KLHL28: variants seen among roughly 807,000 people sequenced by gnomAD.
KLHL28 encodes the protein kelch-like protein 28.
KLHL28 carries 22 observed loss-of-function variants against 48.3 expected under a neutral mutation model. The observed-to-expected ratio is 0.46, with a 90% CI of 0.33 to 0.65. The LOEUF (loss-of-function observed/expected upper bound fraction) is 0.65. Ranked by LOEUF, KLHL28 falls within the 30% of genes least tolerant of loss-of-function variation. KLHL28 has a pLI of 0.03. For missense variants in KLHL28, 527 were observed against 704.3 expected (o/e 0.75, Z 2.85); for synonymous variants, 243 against 242.4 (o/e 1.00, Z -0.02).
intron 2 of KLHL28, 114 bp downstream of exon 2, chr14:44,944,916 A>C (rs528260248): frequency 3.8e-6 from 3 of 783,268 alleles, no homozygotes; most frequent in African/African-American, 1.7e-5. Context: ...AACTAAAAAG[A>C]AGCAAAGAAA....
intron 2 of KLHL28, 50 bp downstream of exon 2, chr14:44,944,980 A>G: frequency 7.8e-7 from 1 of 1,284,812 alleles, no homozygotes; most frequent in Non-Finnish European, 1.1e-6. Flanking sequence ...GCACATTTAA[A>G]AAGCATAAAA....
intron 2 of KLHL28, among the ~76,000 whole-genome samples, chr14:44,939,071 A>C (rs1375739659): frequency 6.6e-6 from 1 of 152,150 alleles, no homozygotes; most frequent in African/African-American, 2.4e-5. Context: ...AGTTAACATC[A>C]CATGGCCAAC....
At chr14:44,960,381 G>A (rs1450680512) in intron 1 of KLHL28, among the ~76,000 whole-genome samples, 1 of 152,210 alleles carries the variant, frequency 6.6e-6, no homozygotes, top group African/African-American at 2.4e-5. Flanking sequence ...AACTGGCACT[G>A]TAATGTGTAC....
intron 2 of KLHL28, among the ~76,000 whole-genome samples, chr14:44,935,890 G>GTGTATATATA (rs1555337906): frequency 3.4e-5 from 2 of 59,146 alleles, no homozygotes; most frequent in South Asian, 7.1e-4. Flanking sequence ...ATATATGTGT[G>GTGTATATATA]TATATATATA....
intron 2 of KLHL28, among the ~76,000 whole-genome samples, chr14:44,941,518 C>T (rs989722294): frequency 6.6e-6 from 1 of 151,568 alleles, no homozygotes; most frequent in African/African-American, 2.4e-5. Flanking sequence ...ATCCCAGCTA[C>T]TCGGGAGGCT....
In KLHL28 at chr14:44,934,496, C is replaced by A. The variant is rs117295933; in HGVS notation, c.962G>T (p.Arg321Leu). The A allele has an allele frequency of 0.014, 22,014 of 1,613,230 alleles. 188 individuals carry two copies. Among genetic ancestry groups the A allele is most frequent in the Non-Finnish European group, 0.016 (18,733 of 1,179,610 alleles). Residue 321 changes from arginine (R) to leucine (L), a missense_variant, in exon 3 of 5, where the codon CGC becomes CTC. Coordinates refer to ENST00000396128, the MANE Select transcript of KLHL28 (RefSeq NM_017658.5). ...TAAAACGCATATTCCAAATTCATAG[C>A]GAGGAATGTTTAGGGGTGCCAAACC... The part of the protein sequence containing the change: ...WIGLAPLNIP[R>L]YEFGICVLDQ...
chr14:44,956,079 C>T (rs1272453928), intron 1 of KLHL28, among the ~76,000 whole-genome samples: 3 of 152,116 alleles, frequency 2.0e-5, no homozygotes, highest in Non-Finnish European at 2.9e-5. Flanking sequence ...ATTTATTATG[C>T]CTTTCCTACA....
At chr14:44,938,134 C>CA (rs1440687923) in intron 2 of KLHL28, among the ~76,000 whole-genome samples, 1 of 152,144 alleles carries the variant, frequency 6.6e-6, no homozygotes, top group Non-Finnish European at 1.5e-5. Flanking sequence ...AGCATCAACT[C>CA]AAAAGTCCAA....
intron 3 of KLHL28, among the ~76,000 whole-genome samples, chr14:44,932,701 A>T (rs1020860324): frequency 6.6e-6 from 1 of 152,244 alleles, no homozygotes; most frequent in African/African-American, 2.4e-5. Flanking sequence ...TCATTGAAGA[A>T]GAGTTGATGC....
chr14:44,945,858 C>T lies in KLHL28; in HGVS notation c.71G>A (p.Gly24Asp). 1 of 1,614,072 alleles carries T rather than the reference C, an allele frequency of 6.2e-7. No homozygotes were observed. Among genetic ancestry groups the T allele is most frequent in the Non-Finnish European group, 8.5e-7 (1 of 1,179,990 alleles). The change falls in exon 2 of 5, where the codon GGC becomes GAC. Residue 24 changes from glycine to aspartate, a missense_variant. Gly to Asp is a moderately conservative substitution (Grantham distance 94, BLOSUM62 -1). Transcript: ENST00000396128. ...GTGATGTTGGCGAAGAAGATTCAAGCCCTGCAGAAGTTGTTCAGAATGCAA... is the reference window on the plus strand; with the variant it reads ...GTGATGTTGGCGAAGAAGATTCAAGTCCTGCAGAAGTTGTTCAGAATGCAA... ...THLHSEQLLQGLNLLRQHHEL... is the reference protein window; with the variant it reads ...THLHSEQLLQDLNLLRQHHEL...
At chr14:44,960,949 TAAC>T (rs1885049795) in intron 1 of KLHL28, 4 of 1,487,380 alleles carry the variant, frequency 2.7e-6, no homozygotes, top group Non-Finnish European at 2.7e-6. Flanking sequence ...CTTCAAATGA[TAAC>T]TTAGACTTTT....
chr14:44,949,901 T>C (rs1473638670), intron 1 of KLHL28, among the ~76,000 whole-genome samples: 2 of 152,136 alleles, frequency 1.3e-5, no homozygotes, highest in African/African-American at 4.8e-5. Context: ...GGAGAAATTT[T>C]TGCTTTGCTC....
chr14:44,960,135 A>T (rs1346415453), intron 1 of KLHL28, among the ~76,000 whole-genome samples: 1 of 152,236 alleles, frequency 6.6e-6, no homozygotes, highest in Non-Finnish European at 1.5e-5. Flanking sequence ...ATGTATAGTG[A>T]TCCACAGGGA....
intron 1 of KLHL28, among the ~76,000 whole-genome samples, chr14:44,948,257 G>A (rs1358993633): frequency 6.6e-6 from 1 of 152,102 alleles, no homozygotes; most frequent in East Asian, 1.9e-4. Flanking sequence ...AGGTATTAAT[G>A]TAGCTGAGGT....
intron 2 of KLHL28, among the ~76,000 whole-genome samples, chr14:44,935,977 A>C (rs1242937902): frequency 6.8e-6 from 1 of 147,898 alleles, no homozygotes; most frequent in East Asian, 2.0e-4. Flanking sequence ...AGCATAAAAA[A>C]AGTCCTCCAT....
In KLHL28 at chr14:44,932,743, T is replaced by C. The variant is rs182540088; in HGVS notation, c.1344-1202A>G. ...GCAAGACTTTCAAGATAATCAAATTTAAAATACTTAACCTTTTATCTTACA... is the reference window on the plus strand; with the variant it reads ...GCAAGACTTTCAAGATAATCAAATTCAAAATACTTAACCTTTTATCTTACA... On this transcript the variant is annotated intron_variant, in intron 3 of 4. Coordinates refer to ENST00000396128, the MANE Select transcript of KLHL28 (RefSeq NM_017658.5). 1.1e-4 allele frequency among the ~76,000 whole-genome samples: 16 copies of C among 152,326 alleles called. No homozygotes were observed. In the East Asian group the frequency reaches 2.9e-3, roughly 28 times the overall value.
At chr14:44,933,924 A>C (rs1170604062) in intron 3 of KLHL28, among the ~76,000 whole-genome samples, 191 bp downstream of exon 3, 1 of 152,202 alleles carries the variant, frequency 6.6e-6, no homozygotes, top group Non-Finnish European at 1.5e-5. Flanking sequence ...ATTTAATGAG[A>C]GGGATTTGAT....
chr14:44,935,125 A>G (rs11845904), intron 2 of KLHL28, among the ~76,000 whole-genome samples: 24,975 of 152,216 alleles, frequency 0.16, 3,838 homozygotes, highest in African/African-American at 0.41. Flanking sequence ...TATCATATAA[A>G]AGAATACTAC....
intron 3 of KLHL28, among the ~76,000 whole-genome samples, chr14:44,932,257 T>G (rs8017081): frequency 0.15 from 11,872 of 80,352 alleles, 1,501 homozygotes; most frequent in African/African-American, 0.39. Context: ...GGGTGGGGGG[T>G]GGGGAGAAAA....
Sources: gnomAD v4.1 joint callset for allele counts (sites outside exome capture counted in the v4.1 genomes callset) on GRCh38, gnomAD v4.1.1 for gene constraint, MANE v1.5 for transcripts, NCBI Gene and HGNC (gene_info 2026-07-23, HGNC 2026-07-21) for gene names.